Variants in NGEF observed in about 807,000 individuals in gnomAD.
NGEF encodes the protein neuronal guanine nucleotide exchange factor.
In NGEF, 31 loss-of-function variants were observed where a neutral mutation model predicts 80.9. That is an observed-to-expected ratio of 0.38 (90% CI 0.29 to 0.52). The LOEUF (loss-of-function observed/expected upper bound fraction) is 0.52. Among genes scored for constraint, NGEF ranks in the 20% least tolerant of loss-of-function variants. The pLI, the probability that NGEF is intolerant of heterozygous loss-of-function variation, is 0.84. For synonymous variants in NGEF, 371 were observed against 370.2 expected (o/e 1.00, Z -0.03); for missense variants, 709 against 926.2 (o/e 0.77, Z 3.04).
At chr2:232,943,558 C>A (rs929573632) in intron 3 of NGEF, among the ~76,000 whole-genome samples, 1 of 121,830 alleles carries the variant, frequency 8.2e-6, no homozygotes, top group Admixed American at 8.2e-5. Flanking sequence ...TGCAGTGGCG[C>A]GATCTCGGCT....
At chr2:232,897,229 C>T (rs1242922399) in intron 5 of NGEF, among the ~76,000 whole-genome samples, 1 of 151,838 alleles carries the variant, frequency 6.6e-6, no homozygotes, top group Non-Finnish European at 1.5e-5. Context: ...CATCAGAGCC[C>T]TGACCCAGGG....
rs1480273030 is a variant in NGEF at position 232,897,093 on chromosome 2, T to TGGGGTGGGGGAAGGGGTGAGGGTA, written c.829-2201_829-2178dup. ...GTGGGGTGAGGGGTGAGGGTTGGGA[T>TGGGGTGGGGGAAGGGGTGAGGGTA]GGGGTGGGGGAAGGGGTGAGGGTAG... On this transcript the variant is annotated intron_variant, in intron 5 of 14. Coordinates refer to ENST00000264051, the MANE Select transcript of NGEF (RefSeq NM_019850.3). Among the ~76,000 whole-genome samples the TGGGGTGGGGGAAGGGGTGAGGGTA allele has an allele frequency of 2.8e-4, 6 of 21,302 alleles. No individual in the cohort carries two copies. The East Asian group carries it at 1.0e-2, about 35-fold the overall frequency. 14.0% of individuals were successfully genotyped at this position (21,302 alleles called of 152,430 possible). A position where few individuals can be genotyped will look rare whatever the true frequency, so the allele number is the denominator to read the frequency against.
chr2:232,904,051 A>G (rs562127429), intron 5 of NGEF, among the ~76,000 whole-genome samples: 1 of 152,140 alleles, frequency 6.6e-6, no homozygotes, highest in Non-Finnish European at 1.5e-5. Flanking sequence ...AAGACCCAGC[A>G]TCTACCGAAA....
In NGEF at chr2:232,962,007, A is replaced by T. The variant is rs1554219; in HGVS notation, c.383+8207T>A. 6.2e-3 allele frequency among the ~76,000 whole-genome samples: 937 copies of T among 152,294 alleles called. 16 individuals carry two copies. Among genetic ancestry groups the T allele is most frequent in the African/African-American group, 0.021 (893 of 41,562 alleles). Reference sequence around the variant, plus strand: ...TGATGGCTTCTTCATTCTTATAAAGATGGAAAGATGGGCTTCATCTCTTCT... The same window carrying T: ...TGATGGCTTCTTCATTCTTATAAAGTTGGAAAGATGGGCTTCATCTCTTCT... On this transcript the variant is annotated intron_variant, in intron 3 of 14. Transcript: ENST00000264051.
chr2:232,962,062 A>T (rs1279667601), intron 3 of NGEF, among the ~76,000 whole-genome samples: 2 of 152,242 alleles, frequency 1.3e-5, no homozygotes, highest in Non-Finnish European at 2.9e-5. Flanking sequence ...CAGCATCCTT[A>T]CAATATCCCT....
intron 1 of NGEF, 42 bp downstream of exon 1, chr2:233,013,026 C>T: frequency 2.2e-6 from 1 of 457,850 alleles, no homozygotes; most frequent in South Asian, 1.6e-5. Flanking sequence ...CTTGTTTTAT[C>T]TCATTTTATT....
At chr2:232,971,820 CG>C (rs1694191208) in intron 2 of NGEF, among the ~76,000 whole-genome samples, 1 of 152,200 alleles carries the variant, frequency 6.6e-6, no homozygotes, top group South Asian at 2.1e-4. Flanking sequence ...GTCACAAACT[CG>C]AGGCTCTTTC....
intron 3 of NGEF, among the ~76,000 whole-genome samples, chr2:232,958,564 C>T (rs902475480): frequency 6.6e-6 from 1 of 152,036 alleles, no homozygotes; most frequent in Non-Finnish European, 1.5e-5. Context: ...TGGCATGGTC[C>T]TATGTTTGAG....
At chr2:232,896,531 G>A (rs1283041447) in intron 5 of NGEF, among the ~76,000 whole-genome samples, 8 of 144,764 alleles carry the variant, frequency 5.5e-5, no homozygotes, top group South Asian at 2.3e-4. Flanking sequence ...GGGTGAGGGT[G>A]GGGGTGAGGG....
intron 1 of NGEF, among the ~76,000 whole-genome samples, chr2:232,982,230 G>T (rs949607232): frequency 2.0e-5 from 3 of 152,172 alleles, no homozygotes; most frequent in African/African-American, 7.2e-5. Context: ...GGGACACAGG[G>T]CATCCGTGGA....
intron 5 of NGEF, among the ~76,000 whole-genome samples, chr2:232,897,478 G>C (rs1048611931): frequency 4.6e-5 from 7 of 152,138 alleles, no homozygotes; most frequent in African/African-American, 1.4e-4. Flanking sequence ...CCACCTCCCA[G>C]GTAGCGCAGG....
At chr2:232,918,919 A>T (rs1268777657) in intron 5 of NGEF, among the ~76,000 whole-genome samples, 2 of 152,072 alleles carry the variant, frequency 1.3e-5, no homozygotes, top group African/African-American at 4.8e-5. Context: ...GAGCCACCGC[A>T]CCCAGTCTTA....
At chr2:232,900,213 C>T (rs1692271112) in intron 5 of NGEF, among the ~76,000 whole-genome samples, 1 of 145,482 alleles carries the variant, frequency 6.9e-6, no homozygotes, top group South Asian at 2.2e-4. Flanking sequence ...CACTCATATA[C>T]ACGTTCACTC....
intron 8 of NGEF, chr2:232,890,871 T>C (rs1334227659): frequency 8.5e-6 from 4 of 470,540 alleles, no homozygotes; most frequent in Admixed American, 2.3e-5. Flanking sequence ...TGTCCCCATC[T>C]CCACACCCAC....
intron 1 of NGEF, among the ~76,000 whole-genome samples, chr2:232,985,895 C>T (rs923807761): frequency 6.6e-5 from 10 of 150,772 alleles, no homozygotes; most frequent in East Asian, 1.9e-4. Context: ...GCCCAGATCA[C>T]GCCATTGCCC....
intron 12 of NGEF, among the ~76,000 whole-genome samples, chr2:232,883,083 G>A (rs865971887): frequency 0.01 from 1,444 of 142,260 alleles, 23 homozygotes; most frequent in African/African-American, 0.037. Context: ...ACACACACAC[G>A]CACACACGCA....
At chr2:232,927,581 C>G (rs1693102442) in intron 3 of NGEF, among the ~76,000 whole-genome samples, 2 of 152,266 alleles carry the variant, frequency 1.3e-5, no homozygotes, top group South Asian at 4.1e-4. Flanking sequence ...GACTCCGATC[C>G]TCCCGTCCCC....
intron 6 of NGEF, among the ~76,000 whole-genome samples, chr2:232,894,151 T>C (rs896748984): frequency 1.3e-5 from 2 of 152,156 alleles, no homozygotes; most frequent in Non-Finnish European, 1.5e-5. Flanking sequence ...GGCCACATGA[T>C]TTGGTTCCTT....
At chr2:232,908,365 CTCT>C (rs1692622520) in intron 5 of NGEF, among the ~76,000 whole-genome samples, 1 of 152,070 alleles carries the variant, frequency 6.6e-6, no homozygotes, top group Admixed American at 6.6e-5. Context: ...TACAAATATA[CTCT>C]TCTTATCAGC....
Sources: allele counts gnomAD v4.1 joint callset (sites outside exome capture counted in the v4.1 genomes callset), GRCh38; gene constraint gnomAD v4.1.1; transcripts MANE v1.5; gene names NCBI Gene and HGNC (gene_info 2026-07-23, HGNC 2026-07-21).